Variants in LAMA2 observed in about 807,000 individuals in gnomAD.
LAMA2 encodes laminin subunit alpha-2.
Under a neutral mutation model 364.8 loss-of-function variants are expected in LAMA2, and 269 were observed. The ratio of observed to expected loss-of-function variants is 0.74; its 90% CI spans 0.67 to 0.82. LAMA2 has a LOEUF of 0.82. LAMA2 is among the 40% of genes least tolerant of loss of function. The probability of loss-of-function intolerance (pLI) is 0.00; values close to 1 mark genes in which losing one functional copy is unlikely to be tolerated. For synonymous variants in LAMA2, 1,379 were observed against 1,370.6 expected, an observed-to-expected ratio of 1.01 and a Z score of -0.14; for missense variants, 3,807 against 3,873.2, an observed-to-expected ratio of 0.98 and a Z score of 0.45.
At chr6:129,432,563 C>A (rs1781650000) in intron 41 of LAMA2, among the ~76,000 whole-genome samples, 1 of 152,102 alleles carries the variant, frequency 6.6e-6, no homozygotes, top group Non-Finnish European at 1.5e-5. Context: ...GCGTTTTTTG[C>A]AAGTAAGTTA....
chr6:128,929,193 C>G lies in LAMA2; in HGVS notation c.112+45836C>G, dbSNP rs1225357495. The G allele has an allele frequency of 4.7e-6, 7 of 1,487,516 alleles. No individual in the cohort carries two copies. The Admixed American group carries it at 1.2e-4, about 25-fold the overall frequency. The allele number at this position is 1,487,516 out of a possible 1,614,324, so 92.1% of individuals were successfully genotyped here. ...AAATGAATGGGGATAGTTACAGAGGCAAGAGCTCCCACCCAGCGCCTTCTG... is the reference window on the plus strand; with the variant it reads ...AAATGAATGGGGATAGTTACAGAGGGAAGAGCTCCCACCCAGCGCCTTCTG... On this transcript the variant is annotated intron_variant, in intron 1 of 64. Transcript: ENST00000421865.
intron 14 of LAMA2, among the ~76,000 whole-genome samples, chr6:129,254,186 G>C (rs1786467802): frequency 6.6e-6 from 1 of 152,164 alleles, no homozygotes; most frequent in South Asian, 2.1e-4. Context: ...TTCATATTCA[G>C]ACTTATTTAC....
chr6:129,382,454 G>A (rs559973769), intron 34 of LAMA2, among the ~76,000 whole-genome samples: 32 of 152,264 alleles, frequency 2.1e-4, no homozygotes, highest in African/African-American at 7.2e-4. Context: ...CTCTTTGGGA[G>A]GTGGGGCTGT....
At chr6:129,318,297 T>C (rs939407414) in intron 27 of LAMA2, among the ~76,000 whole-genome samples, 5 of 152,212 alleles carry the variant, frequency 3.3e-5, no homozygotes, top group Admixed American at 6.5e-5. Flanking sequence ...TTTTGTTTCC[T>C]TTTATAAAGT....
At chr6:129,290,977 TA>T (rs1405674373) in intron 19 of LAMA2, among the ~76,000 whole-genome samples, 1 of 152,180 alleles carries the variant, frequency 6.6e-6, no homozygotes, top group African/African-American at 2.4e-5. Context: ...AAAAAAGGCA[TA>T]AATATTTCAC....
chr6:129,320,468 G>A (rs1774896683), intron 27 of LAMA2, 70 bp from the exon 28 acceptor site: 2 of 897,856 alleles, frequency 2.2e-6, no homozygotes, highest in Non-Finnish European at 3.8e-6. Context: ...TATTGCTGTA[G>A]GATTGATTGT....
At chr6:129,417,902 G>A (rs181652321) in intron 40 of LAMA2, among the ~76,000 whole-genome samples, 34 of 152,274 alleles carry the variant, frequency 2.2e-4, no homozygotes, top group Admixed American at 1.2e-3. Flanking sequence ...AAGAAGGAGC[G>A]GGCACTTCTG....
rs539019143 is a variant in LAMA2 at position 129,497,680 on chromosome 6, CT to C, written c.8245-4976del. Reference sequence around the variant, plus strand: ...TATTCTCAGTGCCCTTCTTTTTCTTCTTTACACCCATCACACCCAATCCTGC... The same window carrying C: ...TATTCTCAGTGCCCTTCTTTTTCTTCTTACACCCATCACACCCAATCCTGC... On this transcript the variant is annotated intron_variant, in intron 58 of 64. Transcript: ENST00000421865. 8.5e-5 allele frequency among the ~76,000 whole-genome samples: 13 copies of C among 152,266 alleles called. No individual in the cohort carries two copies. In the South Asian group the frequency reaches 2.7e-3, roughly 32 times the overall value.
chr6:128,963,185 ATCC>A (rs1781636127), intron 1 of LAMA2, among the ~76,000 whole-genome samples: 1 of 151,958 alleles, frequency 6.6e-6, no homozygotes, highest in South Asian at 2.1e-4. Context: ...TAAAGCCCCT[ATCC>A]TCCCTCCCTT....
chr6:129,305,319 G>A (rs1450246607), intron 22 of LAMA2, among the ~76,000 whole-genome samples: 2 of 144,150 alleles, frequency 1.4e-5, no homozygotes, highest in East Asian at 4.0e-4. Context: ...GTATTTTAAT[G>A]TGTGCCTTTT....
In LAMA2 at chr6:129,492,307, T is replaced by A. The variant is rs1269711691; in HGVS notation, c.8076-8T>A. 1 of 1,613,128 alleles carries A rather than the reference T, an allele frequency of 6.2e-7. No homozygotes were observed. Among genetic ancestry groups the A allele is most frequent in the Admixed American group, 1.7e-5 (1 of 59,994 alleles). ...AATAAAAAAATCTTATTTATTACAT[T>A]CTATTAGCCCCATGGACTTTGCAAG... On this transcript the variant is annotated splice_region_variant and splice_polypyrimidine_tract_variant and intron_variant, in intron 57 of 64. Coordinates refer to ENST00000421865, the MANE Select transcript of LAMA2 (RefSeq NM_000426.4).
At chr6:129,261,361 C>T (rs1787115611) in intron 15 of LAMA2, among the ~76,000 whole-genome samples, 1 of 151,920 alleles carries the variant, frequency 6.6e-6, no homozygotes, top group South Asian at 2.1e-4. Flanking sequence ...TGTTTAGCAC[C>T]TAATGTTTGA....
At chr6:129,499,937 G>T (rs1037718211) in intron 58 of LAMA2, among the ~76,000 whole-genome samples, 2 of 151,794 alleles carry the variant, frequency 1.3e-5, no homozygotes, top group Admixed American at 6.6e-5. Flanking sequence ...AGAGACAGAG[G>T]GGGGCAGGGG....
chr6:128,921,715 TTA>T (rs1778745459), intron 1 of LAMA2, among the ~76,000 whole-genome samples: 1 of 149,810 alleles, frequency 6.7e-6, no homozygotes, highest in African/African-American at 2.5e-5. Flanking sequence ...TTTTTTTTTA[TTA>T]TTATTATACT....
intron 3 of LAMA2, among the ~76,000 whole-genome samples, chr6:129,091,565 G>T (rs375687271): frequency 6.6e-6 from 1 of 152,156 alleles, no homozygotes; most frequent in Non-Finnish European, 1.5e-5. Flanking sequence ...ACACACTTGT[G>T]GGGGTAGGGG....
At chr6:129,196,852 G>T (rs1434721870) in intron 12 of LAMA2, among the ~76,000 whole-genome samples, 1 of 152,128 alleles carries the variant, frequency 6.6e-6, no homozygotes, top group Non-Finnish European at 1.5e-5. Flanking sequence ...AGAATAAACT[G>T]AATGAATTTG....
rs760053700 is a variant in LAMA2 at position 129,427,743 on chromosome 6, T to C, written c.5866-9T>C. ...TTTAGATGTATGACATTTGTTTTTC[T>C]GTCCACAGGCAACAGGTCCTCGGGG... On this transcript the variant is annotated splice_polypyrimidine_tract_variant and intron_variant, in intron 40 of 64. Coordinates refer to ENST00000421865, the MANE Select transcript of LAMA2 (RefSeq NM_000426.4). 6.3e-7 allele frequency: 1 copy of C among 1,599,454 alleles called. No homozygotes were observed. Among genetic ancestry groups the C allele is most frequent in the Non-Finnish European group, 8.6e-7 (1 of 1,167,078 alleles).
At chr6:129,206,375 A>C (rs963799797) in intron 12 of LAMA2, among the ~76,000 whole-genome samples, 1 of 152,176 alleles carries the variant, frequency 6.6e-6, no homozygotes, top group East Asian at 1.9e-4. Flanking sequence ...AAATTTGTAA[A>C]AGATATTTTA....
chr6:128,942,491 T>A (rs754404783), intron 1 of LAMA2, among the ~76,000 whole-genome samples: 1 of 152,216 alleles, frequency 6.6e-6, no homozygotes, highest in Non-Finnish European at 1.5e-5. Flanking sequence ...AGTGTCCTTT[T>A]TATTTACTTT....
Sources: gnomAD v4.1 joint callset for allele counts (sites outside exome capture counted in the v4.1 genomes callset) on GRCh38, gnomAD v4.1.1 for gene constraint, MANE v1.5 for transcripts, NCBI Gene and HGNC (gene_info 2026-07-23, HGNC 2026-07-21) for gene names.